The following IRF8 variants were observed in gnomAD, a reference collection of about 807,000 sequenced individuals.
The protein encoded by IRF8 is interferon regulatory factor 8, also known as interferon consensus sequence binding protein 1.
IRF8 carries 14 observed loss-of-function variants against 48.7 expected under a neutral mutation model. The observed-to-expected ratio is 0.29, with a 90% CI of 0.19 to 0.45. The LOEUF is 0.45. IRF8 is among the 20% of genes least tolerant of loss of function. IRF8 has a pLI of 1.00. For missense variants in IRF8, 493 were observed against 580.7 expected (o/e 0.85, Z 1.55); for synonymous variants, 278 against 227.3 (o/e 1.22, Z -2.01).
chr16:85,904,617 G>A (rs749069564), intron 2 of IRF8, among the ~76,000 whole-genome samples: 2 of 152,038 alleles, frequency 1.3e-5, no homozygotes, highest in Non-Finnish European at 2.9e-5. Context: ...TACTGACCAC[G>A]CCAAGGAATA....
chr16:85,913,243 GT>G lies in IRF8; in HGVS notation c.553+8del. The stretch of plus-strand genomic sequence containing the variant: ...GCGCAGCAGCCCAGCACAGGTGAGG[GT>G]GGGTGGCCTAGAATTGTCACCAGGC... On this transcript the variant is annotated splice_region_variant and intron_variant, in intron 5 of 8. Coordinates refer to ENST00000268638, the MANE Select transcript of IRF8 (RefSeq NM_002163.4). The G allele has an allele frequency of 6.2e-7, 1 of 1,603,724 alleles. No homozygotes were observed. Among genetic ancestry groups the G allele is most frequent in the Non-Finnish European group, 8.5e-7 (1 of 1,170,612 alleles).
chr16:85,920,150 G>T lies in IRF8; in HGVS notation c.1030G>T (p.Gly344Cys), dbSNP rs36085113. 6.2e-6 allele frequency: 10 copies of T among 1,614,104 alleles called. No individual in the cohort carries two copies. Among genetic ancestry groups the T allele is most frequent in the East Asian group, 4.5e-5 (2 of 44,878 alleles). The change falls in exon 8 of 9, where the codon GGC becomes TGC. Residue 344 changes from glycine to cysteine, a missense_variant. Coordinates refer to ENST00000268638, the MANE Select transcript of IRF8 (RefSeq NM_002163.4). ...FYNSQGRLPD[G>C]RVVLCFGEEF... The stretch of plus-strand genomic sequence containing the variant: ...TAACAGCCAGGGCCGGCTTCCTGAC[G>T]GCAGGGTGGTGCTGTGCTTTGGGGA...
At chr16:85,905,298 G>A (rs1197090667) in intron 2 of IRF8, among the ~76,000 whole-genome samples, 2 of 152,206 alleles carry the variant, frequency 1.3e-5, no homozygotes, top group Non-Finnish European at 2.9e-5. Context: ...GCCCTGACAT[G>A]TGGCATGCTG....
At position 85,918,543 on chromosome 16, in the gene IRF8, G is replaced by A. The variant is rs1905405128; in HGVS notation, c.728G>A (p.Gly243Glu). Residue 243 changes from glycine to glutamate, a missense_variant, in exon 7 of 9, where the codon GGG (glycine) becomes GAG (glutamate). This residue lies in a region of IRF8 where 408 missense variants were observed against 449.6 expected (regional missense o/e 0.91). Coordinates refer to ENST00000268638, the MANE Select transcript of IRF8 (RefSeq NM_002163.4). ...QPGLPGTKLY[G>E]PEGLELVRFP... is the part of the protein sequence containing the mutation. ...GGGCTGCCCGGCACCAAGCTGTATG[G>A]GCCCGAGGGCCTGGAGCTGGTGCGC... 2 of 1,602,430 alleles carry A rather than the reference G, an allele frequency of 1.2e-6. No individual in the cohort carries two copies. The highest frequency in any genetic ancestry group is 1.3e-5 in the African/African-American group (1 of 74,856).
chr16:85,902,217 T>G (rs920133719), intron 1 of IRF8, among the ~76,000 whole-genome samples: 1 of 152,200 alleles, frequency 6.6e-6, no homozygotes, highest in Non-Finnish European at 1.5e-5. Flanking sequence ...TATCTTTCAG[T>G]TGGTCGTAGG....
At position 85,903,105 on chromosome 16, in the gene IRF8, TGAG is replaced by T. The variant is rs1567875661; in HGVS notation, c.94_96del (p.Glu32del). On this transcript the variant is annotated inframe_deletion, in exon 2 of 9. Transcript: ENST00000268638. ...TGTATCCAGGACTGATTTGGGAGAA[TGAG>T]GAGAAGAGCATGTTCCGGATCCCTT... 8.1e-6 allele frequency: 13 copies of T among 1,614,028 alleles called. No individual in the cohort carries two copies. Among genetic ancestry groups the T allele is most frequent in the South Asian group, 1.1e-5 (1 of 91,072 alleles).
intron 5 of IRF8, chr16:85,914,048 T>G: frequency 4.2e-6 from 1 of 237,140 alleles, no homozygotes; most frequent in South Asian, 5.4e-5. Flanking sequence ...GAGTAAGAGG[T>G]CCCTGGAAAG....
chr16:85,906,387 T>C (rs1905003326), intron 2 of IRF8, among the ~76,000 whole-genome samples: 1 of 152,196 alleles, frequency 6.6e-6, no homozygotes, highest in Admixed American at 6.5e-5. Context: ...GTTTTTGCTC[T>C]AGCTCAAGAA....
At chr16:85,914,366 C>T (rs542166282) in intron 5 of IRF8, 107 bp from the exon 6 acceptor site, 30 of 1,302,860 alleles carry the variant, frequency 2.3e-5, no homozygotes, top group East Asian at 9.4e-5. Context: ...GCCTCTGGCA[C>T]GCCATGTGCA....
intron 3 of IRF8, among the ~76,000 whole-genome samples, chr16:85,910,690 C>T (rs1333318302): frequency 6.6e-6 from 1 of 152,150 alleles, no homozygotes; most frequent in Non-Finnish European, 1.5e-5. Context: ...GTAGCATTTG[C>T]ATAATTGCCT....
Position 85,918,759 on chromosome 16 carries a change from G to T in IRF8, c.944G>T (p.Arg315Leu), listed in dbSNP as rs753421098. The T allele has an allele frequency of 1.9e-6, 3 of 1,611,846 alleles. No homozygotes were observed. Among genetic ancestry groups the T allele is most frequent in the Non-Finnish European group, 2.5e-6 (3 of 1,180,036 alleles). The change falls in exon 7 of 9, where the codon CGT (arginine) becomes CTT (leucine). Residue 315 changes from arginine to leucine, a missense_variant. Around this residue, in one of 3 missense-constraint regions of IRF8, gnomAD observed 408 missense variants for 449.6 expected, o/e 0.91. Transcript: ENST00000268638. ...AAAGGCAGGCCCAACAAGCTGGAGC[G>T]TGATGAGGTGGTCCAGGTCTTCGAC... is the stretch of plus-strand genomic sequence containing the variant. Reference protein sequence around the residue: ...VCKGRPNKLERDEVVQVFDTS... With the variant: ...VCKGRPNKLELDEVVQVFDTS...
At position 85,913,921 on chromosome 16, in the gene IRF8, G is replaced by T. The variant is rs8047999; in HGVS notation, c.554-552G>T. The T allele has an allele frequency of 8.1e-5, 14 of 173,878 alleles. No individual in the cohort carries two copies. In the South Asian group the frequency reaches 9.0e-4, roughly 11 times the overall value. The allele number at this position is 173,878 out of a possible 1,614,324, so 10.8% of individuals were successfully genotyped here. Reference sequence around the variant, plus strand: ...CCGCCAGGCCCAGGCTTCTGCAGCCGGTGAATGTGTTTGCTTCCTCCCTCG... The same window carrying T: ...CCGCCAGGCCCAGGCTTCTGCAGCCTGTGAATGTGTTTGCTTCCTCCCTCG... On this transcript the variant is annotated intron_variant, in intron 5 of 8. Transcript: ENST00000268638.
intron 2 of IRF8, among the ~76,000 whole-genome samples, chr16:85,905,526 G>T (rs933145331): frequency 2.0e-5 from 3 of 152,226 alleles, no homozygotes; most frequent in Non-Finnish European, 4.4e-5. Flanking sequence ...CAGGAATGGG[G>T]CCAGGAGGGA....
chr16:85,914,451 T>A, intron 5 of IRF8, 22 bp from the exon 6 acceptor site: 1 of 1,614,142 alleles, frequency 6.2e-7, no homozygotes, highest in South Asian at 1.1e-5. Flanking sequence ...GCTCTGAGCT[T>A]GCTTTTCTGT....
intron 3 of IRF8, among the ~76,000 whole-genome samples, chr16:85,911,048 A>G (rs1204870107): frequency 4.6e-5 from 7 of 152,210 alleles, no homozygotes; most frequent in Admixed American, 3.3e-4. Context: ...CCCACTGGGC[A>G]TCAGTGAGGG....
intron 3 of IRF8, among the ~76,000 whole-genome samples, chr16:85,910,616 G>C (rs554712363): frequency 1.3e-5 from 2 of 152,164 alleles, no homozygotes; most frequent in African/African-American, 4.8e-5. Context: ...AGCATGGGGT[G>C]CAGCCAGCAT....
At chr16:85,917,425 C>G (rs1199864917) in intron 6 of IRF8, among the ~76,000 whole-genome samples, 1 of 152,242 alleles carries the variant, frequency 6.6e-6, no homozygotes, top group African/African-American at 2.4e-5. Context: ...TTGGTTTTCA[C>G]AGCCTGGACT....
At chr16:85,921,084 A>C in intron 8 of IRF8, 22 bp from the exon 9 acceptor site, 1 of 1,603,498 alleles carries the variant, frequency 6.2e-7, no homozygotes, top group Non-Finnish European at 8.5e-7. Flanking sequence ...TCTGCCTCTG[A>C]CTTTCTGCAC....
chr16:85,920,066 T>G (rs1466244643), intron 7 of IRF8, 43 bp from the exon 8 acceptor site: 1 of 1,453,422 alleles, frequency 6.9e-7, no homozygotes, highest in Non-Finnish European at 9.6e-7. Flanking sequence ...TTGGAGGTCA[T>G]CTCGGCCTTG....
Sources: gnomAD v4.1 joint callset for allele counts (sites outside exome capture counted in the v4.1 genomes callset) on GRCh38, gnomAD v4.1.1 for gene constraint, gnomAD v4.1.1 regional missense constraint, MANE v1.5 for transcripts, NCBI Gene and HGNC (gene_info 2026-07-23, HGNC 2026-07-21) for gene names.